The following PRKCQ variants were observed in gnomAD, a reference collection of about 807,000 sequenced individuals.
PRKCQ encodes protein kinase C theta.
A neutral mutation model predicts 91.2 loss-of-function variants in PRKCQ; 41 were observed. The observed-to-expected ratio is 0.45, with a 90% confidence interval of 0.35 to 0.58. PRKCQ has a LOEUF of 0.58. Ranked by LOEUF, PRKCQ falls within the 20% of genes least tolerant of loss-of-function variation. The pLI is 0.00. For missense variants in PRKCQ, 673 were observed against 896.5 expected, an observed-to-expected ratio of 0.75 and a Z score of 3.18; for synonymous variants, 307 against 316.9, an observed-to-expected ratio of 0.97 and a Z score of 0.33.
chr10:6,414,801 A>AG, the PRKCQ span, among the ~76,000 whole-genome samples: 1 of 151,578 alleles, frequency 6.6e-6, no homozygotes, highest in African/African-American at 2.4e-5. Context: ...AGAAAAAAAA[A>AG]AAAGAAAGAA....
intron 12 of PRKCQ, among the ~76,000 whole-genome samples, chr10:6,467,303 G>GAGAGAGAGAGAGAGAC (rs1835707211): frequency 7.3e-6 from 1 of 137,318 alleles, no homozygotes; most frequent in Non-Finnish European, 1.6e-5. Context: ...GGCTGAGAGA[G>GAGAGAGAGAGAGAGAC]AGAGAGAGAG....
chr10:6,479,210 C>A, intron 11 of PRKCQ, 45 bp from the exon 12 acceptor site: 2 of 1,597,350 alleles, frequency 1.3e-6, no homozygotes, highest in Non-Finnish European at 1.7e-6. Flanking sequence ...AATTTGGATT[C>A]CCATTTCTTA....
chr10:6,514,822 C>T (rs1450618736), intron 2 of PRKCQ, among the ~76,000 whole-genome samples, 196 bp downstream of exon 2: 5 of 152,118 alleles, frequency 3.3e-5, no homozygotes, highest in African/African-American at 7.2e-5. Context: ...GGTGGGCCAT[C>T]GGGTCCTGGT....
chr10:6,487,058 T>C (rs1836968345), intron 8 of PRKCQ, among the ~76,000 whole-genome samples: 1 of 152,094 alleles, frequency 6.6e-6, no homozygotes, highest in Non-Finnish European at 1.5e-5. Flanking sequence ...CAGTGTGGGC[T>C]TAGATGAGGA....
At chr10:6,507,190 C>T (rs1282505988) in intron 4 of PRKCQ, among the ~76,000 whole-genome samples, 4 of 152,146 alleles carry the variant, frequency 2.6e-5, no homozygotes, top group Non-Finnish European at 1.5e-5. Context: ...AGTATAAGAG[C>T]TTTGGGCATA....
chr10:6,482,940 G>A (rs116523263), intron 11 of PRKCQ, among the ~76,000 whole-genome samples: 312 of 152,210 alleles, frequency 2.0e-3, no homozygotes, highest in African/African-American at 5.9e-3. Context: ...CATGACACCT[G>A]GGGATTATTA....
At chr10:6,510,112 T>G (rs1214344382) in intron 3 of PRKCQ, among the ~76,000 whole-genome samples, 1 of 152,188 alleles carries the variant, frequency 6.6e-6, no homozygotes, top group African/African-American at 2.4e-5. Flanking sequence ...AAGTCAGGAT[T>G]CTCTCCTTTG....
intron 12 of PRKCQ, among the ~76,000 whole-genome samples, chr10:6,468,320 T>C (rs900920159): frequency 6.6e-6 from 1 of 152,228 alleles, no homozygotes; most frequent in Non-Finnish European, 1.5e-5. Context: ...CTTCTTACAG[T>C]GATTACACTT....
At chr10:6,398,478 G>T in the PRKCQ span, among the ~76,000 whole-genome samples, 1 of 152,220 alleles carries the variant, frequency 6.6e-6, no homozygotes, top group African/African-American at 2.4e-5. Flanking sequence ...TCTGTGCCCA[G>T]CTGTTCAACA....
At chr10:6,547,415 G>T (rs1005133301) in intron 1 of PRKCQ, among the ~76,000 whole-genome samples, 17 of 151,616 alleles carry the variant, frequency 1.1e-4, no homozygotes, top group Non-Finnish European at 7.4e-5. Context: ...AAAAGAGCCC[G>T]CATCGCCAAG....
At chr10:6,478,959 G>A in intron 12 of PRKCQ, 33 bp downstream of exon 12, 2 of 1,610,610 alleles carry the variant, frequency 1.2e-6, no homozygotes, top group Non-Finnish European at 8.5e-7. Flanking sequence ...ACAGGTTAGA[G>A]GGGAGGTAGG....
intron 1 of PRKCQ, among the ~76,000 whole-genome samples, chr10:6,517,172 ACAGAGTGCTTTTCTCTGTGTAGTT>A (rs1487182834): frequency 6.6e-6 from 1 of 152,102 alleles, no homozygotes; most frequent in Non-Finnish European, 1.5e-5. Flanking sequence ...CCCGAACTAC[ACAGAGTGCTTTTCTCTGTGTAGTT>A]CAGAGCACTT....
At chr10:6,467,969 A>G (rs1333251778) in intron 12 of PRKCQ, among the ~76,000 whole-genome samples, 1 of 152,196 alleles carries the variant, frequency 6.6e-6, no homozygotes, top group African/African-American at 2.4e-5. Flanking sequence ...CTATTCATGA[A>G]GCTGAGGCTG....
rs75034332 is a variant in PRKCQ, at chr10:6,509,889, C to A, written c.318+1106G>T. On this transcript the variant is annotated intron_variant, in intron 3 of 17. Transcript: ENST00000263125. ...TTTTTATACTTTCTTAAAAAGCATC[C>A]ATTTTTTTAGGTCAAAAATACAAAA... 7.1e-3 allele frequency among the ~76,000 whole-genome samples: 1,087 copies of A among 152,232 alleles called. 15 individuals are homozygous for A. Among genetic ancestry groups the A allele is most frequent in the African/African-American group, 0.025 (1,036 of 41,534 alleles).
At chr10:6,432,276 T>C (rs1461282971) in intron 16 of PRKCQ, among the ~76,000 whole-genome samples, 2 of 152,212 alleles carry the variant, frequency 1.3e-5, no homozygotes, top group Admixed American at 1.3e-4. Context: ...TGTTCTGAAA[T>C]AGTGCTTCAC....
chr10:6,483,290 G>A, intron 11 of PRKCQ, 150 bp downstream of exon 11: 1 of 989,658 alleles, frequency 1.0e-6, no homozygotes, highest in Non-Finnish European at 1.5e-6. Context: ...AGCCCTCGGG[G>A]TCCCTATTTA....
intron 15 of PRKCQ, among the ~76,000 whole-genome samples, chr10:6,444,090 A>T (rs909653525): frequency 1.3e-5 from 2 of 152,090 alleles, no homozygotes; most frequent in African/African-American, 4.8e-5. Flanking sequence ...TTTATTTTTG[A>T]AATGGAGTCT....
chr10:6,514,422 T>G (rs1316849127), intron 2 of PRKCQ, among the ~76,000 whole-genome samples: 1 of 152,028 alleles, frequency 6.6e-6, no homozygotes, highest in Non-Finnish European at 1.5e-5. Context: ...AAACAGGACG[T>G]TGGGTGGCTG....
At chr10:6,408,020 T>C in the PRKCQ span, among the ~76,000 whole-genome samples, 21 of 151,282 alleles carry the variant, frequency 1.4e-4, no homozygotes, top group Non-Finnish European at 2.8e-4. Flanking sequence ...TAGTCAGTTG[T>C]TCAAATTTCC....
Sources: gnomAD v4.1 joint callset for allele counts (sites outside exome capture counted in the v4.1 genomes callset) on GRCh38, gnomAD v4.1.1 for gene constraint, MANE v1.5 for transcripts, NCBI Gene and HGNC (gene_info 2026-07-23, HGNC 2026-07-21) for gene names.